Variants in RYR2 observed in about 807,000 individuals in gnomAD.
RYR2 encodes ryanodine receptor 2.
A neutral mutation model predicts 601.1 loss-of-function variants in RYR2; 227 were observed. The observed-to-expected ratio is 0.38, with a 90% CI of 0.34 to 0.42. RYR2 has a LOEUF of 0.42. Ranked by LOEUF, RYR2 falls within the 10% of genes least tolerant of loss-of-function variation. RYR2 has a pLI of 1.00. For missense variants in RYR2, 4,646 were observed against 6,156.5 expected, an observed-to-expected ratio of 0.75 and a Z score of 8.21; for synonymous variants, 2,223 against 2,175.1, an observed-to-expected ratio of 1.02 and a Z score of -0.61.
chr1:237,706,919 T>C, intron 67 of RYR2, 30 bp from the exon 68 acceptor site: 2 of 1,558,284 alleles, frequency 1.3e-6, no homozygotes, highest in Non-Finnish European at 1.8e-6. Context: ...TTTCTTTGAA[T>C]ATCATCCATT....
rs1664091413 is a variant in RYR2, at chr1:237,496,511, C to T, written c.1962C>T (p.Ser654=). ...LQTRLVNHVS[S]MRPNIFLGVS... The stretch of plus-strand genomic sequence containing the variant: ...ACATGTGATTCCCGTCTCTTTAAAG[C>T]ATGAGACCCAATATTTTTCTGGGCG... The change falls in exon 20 of 105, where the codon AGC becomes AGT. Residue 654 remains serine (S), a splice_region_variant and synonymous_variant. Coordinates refer to ENST00000366574, the MANE Select transcript of RYR2 (RefSeq NM_001035.3). 1 of 1,613,646 alleles carries T rather than the reference C, an allele frequency of 6.2e-7. No individual in the cohort carries two copies. The highest frequency in any genetic ancestry group is 8.5e-7 in the Non-Finnish European group (1 of 1,179,570).
chr1:237,303,754 G>GT (rs1310718031), intron 2 of RYR2, among the ~76,000 whole-genome samples: 2 of 152,108 alleles, frequency 1.3e-5, no homozygotes, highest in African/African-American at 2.4e-5. Flanking sequence ...ACATTGAGAG[G>GT]TTTTCTCTAG....
intron 87 of RYR2, among the ~76,000 whole-genome samples, chr1:237,778,372 TA>T (rs996653564): frequency 7.4e-6 from 1 of 135,900 alleles, no homozygotes; most frequent in Middle Eastern, 3.8e-3. Flanking sequence ...TTTTTTCCTC[TA>T]AATAGAGGAG....
At chr1:237,793,361 T>TA (rs1444757598) in intron 94 of RYR2, among the ~76,000 whole-genome samples, 2 of 152,240 alleles carry the variant, frequency 1.3e-5, no homozygotes, top group African/African-American at 4.8e-5. Context: ...GTTCTGGAAA[T>TA]ATTTTGACAA....
At chr1:237,254,204 TTA>T (rs1687734345) in intron 1 of RYR2, among the ~76,000 whole-genome samples, 1 of 128,218 alleles carries the variant, frequency 7.8e-6, no homozygotes, top group Non-Finnish European at 1.9e-5. Flanking sequence ...CAGATTACTG[TTA>T]TTTTTTTTAT....
At chr1:237,253,245 TTCTG>T (rs1687650193) in intron 1 of RYR2, among the ~76,000 whole-genome samples, 1 of 152,060 alleles carries the variant, frequency 6.6e-6, no homozygotes, top group South Asian at 2.1e-4. Context: ...ATATTATTAT[TTCTG>T]TCTAATAGAT....
intron 25 of RYR2, among the ~76,000 whole-genome samples, chr1:237,541,733 T>A (rs1669283510): frequency 6.6e-6 from 1 of 151,728 alleles, no homozygotes; most frequent in South Asian, 2.1e-4. Flanking sequence ...TAAAGGAAAA[T>A]TACAGTCAAA....
intron 2 of RYR2, among the ~76,000 whole-genome samples, chr1:237,298,984 A>G (rs1433924784): frequency 1.3e-5 from 2 of 151,608 alleles, no homozygotes; most frequent in African/African-American, 4.9e-5. Flanking sequence ...ACAAAGTGAG[A>G]CTCCCCTCTC....
At chr1:237,343,766 TAC>T (rs985924024) in intron 3 of RYR2, among the ~76,000 whole-genome samples, 16 of 152,100 alleles carry the variant, frequency 1.1e-4, no homozygotes, top group Admixed American at 9.8e-4. Context: ...GTACTAATGA[TAC>T]AGATATTTAA....
At chr1:237,178,291 T>G (rs1678282136) in intron 1 of RYR2, among the ~76,000 whole-genome samples, 2 of 152,200 alleles carry the variant, frequency 1.3e-5, no homozygotes, top group African/African-American at 4.8e-5. Context: ...TTGGCTTGTC[T>G]TTTCCATTCT....
At chr1:237,375,739 C>A (rs962511027) in intron 7 of RYR2, among the ~76,000 whole-genome samples, 8 of 152,080 alleles carry the variant, frequency 5.3e-5, no homozygotes, top group Non-Finnish European at 1.0e-4. Flanking sequence ...CTCTATCATT[C>A]CTCTGTATTT....
At chr1:237,750,359 C>T (rs1692441983) in intron 80 of RYR2, among the ~76,000 whole-genome samples, 1 of 151,830 alleles carries the variant, frequency 6.6e-6, no homozygotes, top group Admixed American at 6.6e-5. Flanking sequence ...TGTGAATTGT[C>T]AGAATATTTG....
rs869116177 is a variant in RYR2 at position 237,556,880 on chromosome 1, C to CAA, written c.3214+6217_3214+6218dup. Among the ~76,000 whole-genome samples, 662 of 77,738 alleles carry CAA rather than the reference C, an allele frequency of 8.5e-3. 30 individuals are homozygous for CAA. The highest frequency in any genetic ancestry group is 0.021 in the African/African-American group (380 of 17,984). 51.0% of individuals were successfully genotyped at this position (77,738 alleles called of 152,430 possible). On this transcript the variant is annotated intron_variant, in intron 27 of 104. Transcript: ENST00000366574. ...AGCAAACTACCCCTTTCCCTCCCACCAAAAAAAAAAAAAAAAAAAAAAAAA... is the reference window on the plus strand; with the variant it reads ...AGCAAACTACCCCTTTCCCTCCCACCAAAAAAAAAAAAAAAAAAAAAAAAAAA...
intron 12 of RYR2, among the ~76,000 whole-genome samples, chr1:237,433,198 A>G (rs2150109117): frequency 6.6e-6 from 1 of 152,222 alleles, no homozygotes. Flanking sequence ...GGGCTGTGGA[A>G]CTAACATAAT....
At chr1:237,063,961 G>C (rs967051260) in intron 1 of RYR2, among the ~76,000 whole-genome samples, 2 of 151,882 alleles carry the variant, frequency 1.3e-5, no homozygotes, top group Admixed American at 1.3e-4. Flanking sequence ...TTCCTTTAAA[G>C]GTGATATTTT....
At chr1:237,770,371 T>C (rs1002980794) in intron 84 of RYR2, among the ~76,000 whole-genome samples, 1 of 152,218 alleles carries the variant, frequency 6.6e-6, no homozygotes, top group African/African-American at 2.4e-5. Context: ...TGGCCCCGCT[T>C]TTTTGGATAC....
At chr1:237,458,253 C>A (rs562134400) in intron 16 of RYR2, among the ~76,000 whole-genome samples, 3 of 152,148 alleles carry the variant, frequency 2.0e-5, no homozygotes, top group South Asian at 4.1e-4. Context: ...CATAGTGAAA[C>A]CCTGTCTCTA....
At chr1:237,188,041 C>G (rs1679560817) in intron 1 of RYR2, among the ~76,000 whole-genome samples, 1 of 152,180 alleles carries the variant, frequency 6.6e-6, no homozygotes. Flanking sequence ...CATGACTCAG[C>G]CAGCAGAATT....
At chr1:237,325,926 C>A (rs1332786747) in intron 2 of RYR2, among the ~76,000 whole-genome samples, 1 of 151,992 alleles carries the variant, frequency 6.6e-6, no homozygotes, top group Non-Finnish European at 1.5e-5. Context: ...AAAATATAAG[C>A]AAAGGCATCA....
Sources: gnomAD v4.1 joint callset for allele counts (sites outside exome capture counted in the v4.1 genomes callset) on GRCh38, gnomAD v4.1.1 for gene constraint, MANE v1.5 for transcripts, NCBI Gene and HGNC (gene_info 2026-07-23, HGNC 2026-07-21) for gene names.